Variants in TACC3 observed in about 807,000 individuals in gnomAD.
TACC3 encodes transforming acidic coiled-coil containing protein 3.
A neutral mutation model predicts 86.0 loss-of-function variants in TACC3; 52 were observed. The observed-to-expected ratio is 0.60, with a 90% CI of 0.48 to 0.76. The LOEUF (loss-of-function observed/expected upper bound fraction) is 0.76, where lower values mean the gene tolerates loss of function less well. Among genes scored for constraint, TACC3 ranks in the 30% least tolerant of loss-of-function variants. TACC3 has a pLI of 0.00. For missense variants in TACC3, 1,120 were observed against 1,070.4 expected, an observed-to-expected ratio of 1.05 and a Z score of -0.65; for synonymous variants, 512 against 430.0, an observed-to-expected ratio of 1.19 and a Z score of -2.36.
rs753126275 is a variant in TACC3, at chr4:1,741,182, C to T, written c.2223+196C>T. 2.8e-5 allele frequency: 14 copies of T among 497,418 alleles called. No homozygotes were observed. The South Asian group carries it at 3.2e-4, about 11-fold the overall frequency. The allele number at this position is 497,418 out of a possible 1,614,324, so 30.8% of individuals were successfully genotyped here. A position where few individuals can be genotyped will look rare whatever the true frequency, so the allele number is the denominator to read the frequency against. ...AGCTGGTTTGCGAGGCAGCTGAGGG[C>T]GGCAGGAGGCAGAGTGAGCAGGGAG... is the stretch of plus-strand genomic sequence containing the variant. On this transcript the variant is annotated intron_variant, in intron 13 of 15. Coordinates refer to ENST00000313288, the MANE Select transcript of TACC3 (RefSeq NM_006342.3).
At chr4:1,743,372 G>T (rs962158037) in intron 13 of TACC3, among the ~76,000 whole-genome samples, 1 of 151,282 alleles carries the variant, frequency 6.6e-6, no homozygotes, top group African/African-American at 2.4e-5. Context: ...GACCAACATG[G>T]TGAAACCCTG....
chr4:1,729,579 A>AT (rs1469069750), intron 4 of TACC3, among the ~76,000 whole-genome samples: 1 of 152,016 alleles, frequency 6.6e-6, no homozygotes, highest in Non-Finnish European at 1.5e-5. Context: ...TGACGCCATT[A>AT]TTTTTTCTAT....
rs1482752698 is a variant in TACC3, at chr4:1,735,205, G to A, written c.1592-68G>A. 2 of 1,595,766 alleles carry A rather than the reference G, an allele frequency of 1.3e-6. No homozygotes were observed. The highest frequency in any genetic ancestry group is 1.3e-5 in the African/African-American group (1 of 74,586). ...TCCTGCCTCACTGAGTGCTGAGGGA[G>A]ACACCAGCCCGCCGCCCTTAGGGCC... On this transcript the variant is annotated intron_variant, in intron 6 of 15. Transcript: ENST00000313288. The surrounding 1 kb of genome is among the most constrained non-coding windows in gnomAD (Gnocchi z 4.2).
At chr4:1,720,697 G>A (rs955232876), upstream of TACC3, 3 of 1,554,456 alleles carry the variant, frequency 1.9e-6, no homozygotes, top group Non-Finnish European at 2.6e-6. The surrounding 1 kb of genome is among the most constrained non-coding windows in gnomAD (Gnocchi z 4.4). Context: ...AGGGCACGAA[G>A]GCGGCGTCCT....
Position 1,740,922 on chromosome 4 carries a change from A to G in TACC3, c.2159A>G (p.Lys720Arg), listed in dbSNP as rs1718565969. The G allele has an allele frequency of 3.7e-6, 6 of 1,613,100 alleles. No individual in the cohort carries two copies. The East Asian group carries it at 1.3e-4, about 36-fold the overall frequency. ...ACCACAGATCTGAACTCCATGGAGA[A>G]GTCCTTCTCCGACCTCTTCAAGCGT... is the stretch of plus-strand genomic sequence containing the variant. The part of the protein sequence containing the change: ...QLTTDLNSME[K>R]SFSDLFKRFE... Residue 720 changes from lysine (K) to arginine (R), a missense_variant, in exon 13 of 16, where the codon AAG (lysine) becomes AGG (arginine). Coordinates refer to ENST00000313288, the MANE Select transcript of TACC3 (RefSeq NM_006342.3).
At chr4:1,721,893 C>G (rs977536791) in intron 1 of TACC3, 1 of 152,268 alleles carries the variant, frequency 6.6e-6, no homozygotes. Flanking sequence ...GGGCCAAGAC[C>G]GACGGCGGAG....
In TACC3 at chr4:1,739,990, T is replaced by C; in HGVS notation, c.2050T>C (p.Tyr684His). 1 of 1,613,072 alleles carries C rather than the reference T, an allele frequency of 6.2e-7. No individual in the cohort carries two copies. The highest frequency in any genetic ancestry group is 8.5e-7 in the Non-Finnish European group (1 of 1,180,008). Residue 684 changes from tyrosine (Y) to histidine (H), a missense_variant, in exon 12 of 16, where the codon TAC becomes CAC. Transcript: ENST00000313288. ...KIMDRFEEVV[Y>H]QAMEEVQKQK... ...CATGGACAGGTTCGAAGAGGTTGTG[T>C]ACCAGGCCATGGGTGAGTGCCCGGG...
intron 12 of TACC3, chr4:1,740,301 C>G (rs1293659523): frequency 1.9e-6 from 1 of 538,624 alleles, no homozygotes; most frequent in East Asian, 3.1e-5. Context: ...TGGCCTACCC[C>G]ACTCCACCCT....
In TACC3 at chr4:1,745,103, T is replaced by A. The variant is rs1718788133; in HGVS notation, c.*90T>A. On this transcript the variant is annotated 3_prime_UTR_variant, in exon 16 of 16. Coordinates refer to ENST00000313288, the MANE Select transcript of TACC3 (RefSeq NM_006342.3). ...GTGTCATGTTCTTTTTTCTGTCTTG[T>A]CTTCAACTTTTTTAAAAACTAGATT... The A allele has an allele frequency of 1.0e-5, 14 of 1,360,338 alleles. No individual in the cohort carries two copies. The allele number at this position is 1,360,338 out of a possible 1,614,324, so 84.3% of individuals were successfully genotyped here.
At chr4:1,733,276 G>A (rs935691518) in intron 6 of TACC3, among the ~76,000 whole-genome samples, 2 of 152,134 alleles carry the variant, frequency 1.3e-5, no homozygotes, top group Non-Finnish European at 2.9e-5. Flanking sequence ...TTATTACTGA[G>A]TTTTAAGAGG....
At chr4:1,734,908 C>T (rs1208143865) in intron 6 of TACC3, among the ~76,000 whole-genome samples, 1 of 152,194 alleles carries the variant, frequency 6.6e-6, no homozygotes, top group Admixed American at 6.5e-5. Context: ...AGCCTCCACC[C>T]TTAGTTTTAA....
intron 3 of TACC3, among the ~76,000 whole-genome samples, chr4:1,727,124 C>T (rs1229659168): frequency 6.6e-6 from 1 of 151,072 alleles, no homozygotes; most frequent in East Asian, 1.9e-4. Flanking sequence ...GAGCAAAAAT[C>T]CGTCTCAAAA....
Position 1,728,028 on chromosome 4 carries a change from A to G in TACC3, c.626A>G (p.Glu209Gly), listed in dbSNP as rs1176083814. 6.2e-7 allele frequency: 1 copy of G among 1,613,114 alleles called. No homozygotes were observed. The highest frequency in any genetic ancestry group is 1.1e-5 in the South Asian group (1 of 91,078). The change falls in exon 4 of 16, where the codon GAG becomes GGG. Residue 209 changes from glutamate (E) to glycine (G), a missense_variant. Physicochemically the swap from Glu to Gly is moderately conservative, Grantham distance 98. Coordinates refer to ENST00000313288, the MANE Select transcript of TACC3 (RefSeq NM_006342.3). ...SETLEDPCRT[E>G]SQHKAETPHG... ...ACCCTAGAAGACCCTTGCAGGACAG[A>G]GTCCCAGCACAAAGCGGAGACTCCG...
In TACC3 at chr4:1,734,706, C is replaced by T. The variant is rs138604684; in HGVS notation, c.1592-567C>T. Among the ~76,000 whole-genome samples, 16 of 151,912 alleles carry T rather than the reference C, an allele frequency of 1.1e-4. No homozygotes were observed. In the East Asian group the frequency reaches 1.2e-3, roughly 11 times the overall value. The stretch of plus-strand genomic sequence containing the variant: ...TTTTTTTTTGCAACAGTTTTCCCTC[C>T]GCTGCCCAGGTTGGAGTGCAGTGGC... On this transcript the variant is annotated intron_variant, in intron 6 of 15. Coordinates refer to ENST00000313288, the MANE Select transcript of TACC3 (RefSeq NM_006342.3).
chr4:1,735,461 T>C lies in TACC3; in HGVS notation c.1644+136T>C, dbSNP rs1718208520. ...CAGGCCCAGGCATTGTGGCGGGCTG[T>C]GAATCCAGGGCCCCTTCTGCAGCAC... On this transcript the variant is annotated intron_variant, in intron 7 of 15. Coordinates refer to ENST00000313288, the MANE Select transcript of TACC3 (RefSeq NM_006342.3). The surrounding 1 kb of genome is among the most constrained non-coding windows in gnomAD (Gnocchi z 4.2). 1 of 1,034,730 alleles carries C rather than the reference T, an allele frequency of 9.7e-7. No homozygotes were observed. Among genetic ancestry groups the C allele is most frequent in the Non-Finnish European group, 1.5e-6 (1 of 688,792 alleles). The allele number at this position is 1,034,730 out of a possible 1,614,324, so 64.1% of individuals were successfully genotyped here. A position where few individuals can be genotyped will look rare whatever the true frequency, so the allele number is the denominator to read the frequency against.
upstream of TACC3, chr4:1,720,921 G>A (rs1717293382): frequency 8.1e-7 from 1 of 1,241,654 alleles, no homozygotes; most frequent in African/African-American, 1.6e-5. The surrounding 1 kb of genome is among the most constrained non-coding windows in gnomAD (Gnocchi z 4.4). Flanking sequence ...GGACCTGTCG[G>A]TTGCGGCGGC....
At chr4:1,738,070 G>A (rs1718381877) in intron 10 of TACC3, 3 of 363,710 alleles carry the variant, frequency 8.2e-6, no homozygotes, top group Admixed American at 3.7e-5. Flanking sequence ...TCTCCTGGCA[G>A]CTTAGGAAGC....
At chr4:1,741,218 C>T (rs903669872) in intron 13 of TACC3, 1 of 436,892 alleles carries the variant, frequency 2.3e-6, no homozygotes, top group Non-Finnish European at 4.1e-6. Flanking sequence ...GCCATCTGAG[C>T]CGTCCGCTGT....
rs532393496 is a variant in TACC3, at chr4:1,737,234, G to C, written c.1749-7G>C. 6.2e-7 allele frequency: 1 copy of C among 1,613,744 alleles called. No individual in the cohort carries two copies. Among genetic ancestry groups the C allele is most frequent in the African/African-American group, 1.3e-5 (1 of 75,046 alleles). On this transcript the variant is annotated splice_region_variant and splice_polypyrimidine_tract_variant and intron_variant, in intron 8 of 15. Coordinates refer to ENST00000313288, the MANE Select transcript of TACC3 (RefSeq NM_006342.3). ...TAGTGACTGAGGCTGCCTCTGCTTG[G>C]TGGCAGCATGCACGGTGCAAATGAG...
Sources: gnomAD v4.1 joint callset for allele counts (sites outside exome capture counted in the v4.1 genomes callset) on GRCh38, gnomAD v4.1.1 for gene constraint, Gnocchi (gnomAD v3.1) non-coding constraint, MANE v1.5 for transcripts, NCBI Gene and HGNC (gene_info 2026-07-23, HGNC 2026-07-21) for gene names.